Variants in NCAM1 observed in about 807,000 individuals in gnomAD.
NCAM1 encodes the protein neural cell adhesion molecule 1.
A neutral mutation model predicts 109.8 loss-of-function variants in NCAM1; 14 were observed. That is an observed-to-expected ratio of 0.13 (90% confidence interval 0.08 to 0.20). The LOEUF is 0.20. Among genes scored for constraint, NCAM1 ranks in the 10% least tolerant of loss-of-function variants. The probability of loss-of-function intolerance (pLI) is 1.00; values close to 1 mark genes in which losing one functional copy is unlikely to be tolerated. For missense variants in NCAM1, 774 were observed against 1,109.9 expected (o/e 0.70, Z 4.30); for synonymous variants, 418 against 442.9 (o/e 0.94, Z 0.70).
intron 17 of NCAM1, chr11:113,265,122 G>T: frequency 1.0e-6 from 1 of 985,362 alleles, no homozygotes; most frequent in Non-Finnish European, 1.2e-6. Flanking sequence ...TGCTAACATT[G>T]TTGTGTAGAT....
intron 1 of NCAM1, among the ~76,000 whole-genome samples, chr11:113,129,612 C>T (rs559360067): frequency 8.5e-5 from 13 of 152,184 alleles, no homozygotes; most frequent in African/African-American, 2.2e-4. Flanking sequence ...TTAAATATGG[C>T]GTTATTCTGG....
At chr11:113,070,793 C>T (rs1938227751) in intron 1 of NCAM1, among the ~76,000 whole-genome samples, 1 of 151,996 alleles carries the variant, frequency 6.6e-6, no homozygotes, top group East Asian at 1.9e-4. Flanking sequence ...TGCTGATAGA[C>T]AGGGGAGAAA....
At chr11:113,208,073 T>C (rs1944289632) in intron 7 of NCAM1, 71 bp downstream of exon 7, 2 of 1,496,100 alleles carry the variant, frequency 1.3e-6, no homozygotes, top group African/African-American at 2.8e-5. Flanking sequence ...AGTCCATCAG[T>C]AAGACCCTGG....
At chr11:113,202,667 A>G (rs2136898756) in intron 2 of NCAM1, among the ~76,000 whole-genome samples, 1 of 152,328 alleles carries the variant, frequency 6.6e-6, no homozygotes, top group East Asian at 1.9e-4. Flanking sequence ...TCTGTCATCT[A>G]GACTTCACCT....
chr11:113,195,039 G>A (rs1467743165), intron 1 of NCAM1, among the ~76,000 whole-genome samples: 2 of 152,174 alleles, frequency 1.3e-5, no homozygotes, highest in Non-Finnish European at 2.9e-5. Context: ...TAAGCCATGA[G>A]GATACTTCCA....
chr11:113,137,735 G>A (rs193028823), intron 1 of NCAM1, among the ~76,000 whole-genome samples: 1 of 152,180 alleles, frequency 6.6e-6, no homozygotes, highest in Non-Finnish European at 1.5e-5. Flanking sequence ...ATTTTAAAGA[G>A]CATTTTCTTG....
At chr11:113,061,182 C>G (rs1937625016) in intron 1 of NCAM1, among the ~76,000 whole-genome samples, 1 of 152,050 alleles carries the variant, frequency 6.6e-6, no homozygotes, top group Non-Finnish European at 1.5e-5. Context: ...GTCTTTCTGT[C>G]TCTGGCTTAT....
intron 1 of NCAM1, among the ~76,000 whole-genome samples, chr11:113,180,547 C>A (rs1943298578): frequency 6.6e-6 from 1 of 152,238 alleles, no homozygotes; most frequent in South Asian, 2.1e-4. Context: ...TATCCCTGGG[C>A]AGAGCCCACA....
intron 1 of NCAM1, among the ~76,000 whole-genome samples, chr11:113,048,728 A>G (rs1308506807): frequency 1.3e-5 from 2 of 152,222 alleles, no homozygotes; most frequent in African/African-American, 4.8e-5. Context: ...GCTTTGACAC[A>G]TACCAGCTCA....
At chr11:113,054,536 C>G (rs1000313314) in intron 1 of NCAM1, among the ~76,000 whole-genome samples, 1 of 152,174 alleles carries the variant, frequency 6.6e-6, no homozygotes, top group Non-Finnish European at 1.5e-5. Flanking sequence ...GGCTACACCT[C>G]AGAAATTACT....
intron 9 of NCAM1, chr11:113,231,046 T>A (rs1011640750): frequency 1.3e-6 from 1 of 742,084 alleles, no homozygotes; most frequent in African/African-American, 1.8e-5. Flanking sequence ...TACTCTCACT[T>A]CCAGTGCAGT....
intron 1 of NCAM1, among the ~76,000 whole-genome samples, chr11:113,101,976 AATTG>A (rs1555091615): frequency 6.6e-6 from 1 of 152,222 alleles, no homozygotes; most frequent in African/African-American, 2.4e-5. Context: ...TTTTTCTACA[AATTG>A]ATTAAGAATA....
chr11:113,109,347 C>CAAAAAAAA (rs369724829), intron 1 of NCAM1, among the ~76,000 whole-genome samples: 1 of 89,228 alleles, frequency 1.1e-5, no homozygotes, highest in Non-Finnish European at 2.3e-5. Flanking sequence ...GACTCTGTCT[C>CAAAAAAAA]AAAAAAAAGA....
At chr11:112,974,811 T>TTGTGTGTG (rs34881446) in intron 1 of NCAM1, among the ~76,000 whole-genome samples, 2 of 148,554 alleles carry the variant, frequency 1.3e-5, no homozygotes, top group Non-Finnish European at 1.5e-5. Flanking sequence ...AGCTTACAGT[T>TTGTGTGTG]TGTGTGTGTG....
At chr11:113,015,268 T>G (rs1591248573) in intron 1 of NCAM1, among the ~76,000 whole-genome samples, 1 of 152,176 alleles carries the variant, frequency 6.6e-6, no homozygotes, top group Non-Finnish European at 1.5e-5. Context: ...CTGGTCCAGG[T>G]GGCAGTAGCT....
chr11:113,238,333 C>T (rs573193955), intron 14 of NCAM1, among the ~76,000 whole-genome samples: 32 of 152,286 alleles, frequency 2.1e-4, no homozygotes, highest in Middle Eastern at 3.4e-3. Flanking sequence ...GAGTTGAGCA[C>T]GCCTTTTGCA....
chr11:113,194,097 C>T (rs1394412005), intron 1 of NCAM1, among the ~76,000 whole-genome samples: 1 of 152,146 alleles, frequency 6.6e-6, no homozygotes, highest in Non-Finnish European at 1.5e-5. Context: ...GCCGGATTCC[C>T]AGCAGCTCAT....
At chr11:113,189,715 A>G (rs534941261) in intron 1 of NCAM1, among the ~76,000 whole-genome samples, 58 of 152,126 alleles carry the variant, frequency 3.8e-4, no homozygotes, top group Non-Finnish European at 7.6e-4. Context: ...ACTGGGATTC[A>G]AAGGCTCTCT....
intron 1 of NCAM1, among the ~76,000 whole-genome samples, chr11:112,980,150 T>C (rs1056633019): frequency 6.6e-6 from 1 of 151,704 alleles, no homozygotes; most frequent in Admixed American, 6.6e-5. Flanking sequence ...GAGATACCAC[T>C]TCACACCCGC....
Sources: allele counts gnomAD v4.1 joint callset (sites outside exome capture counted in the v4.1 genomes callset), GRCh38; gene constraint gnomAD v4.1.1; transcripts MANE v1.5; gene names NCBI Gene and HGNC (gene_info 2026-07-23, HGNC 2026-07-21).